Variants in SLC44A1 observed in about 807,000 individuals in gnomAD.
SLC44A1 encodes choline transporter-like protein 1.
A neutral mutation model predicts 79.3 loss-of-function variants in SLC44A1; 26 were observed. The ratio of observed to expected loss-of-function variants is 0.33; its 90% confidence interval spans 0.24 to 0.46. The LOEUF (loss-of-function observed/expected upper bound fraction) is 0.46. SLC44A1 is among the 20% of genes least tolerant of loss of function. The probability of loss-of-function intolerance (pLI) is 1.00; values close to 1 mark genes in which losing one functional copy is unlikely to be tolerated. For synonymous variants in SLC44A1, 263 were observed against 286.2 expected, an observed-to-expected ratio of 0.92 and a Z score of 0.82; for missense variants, 688 against 798.1, an observed-to-expected ratio of 0.86 and a Z score of 1.66.
At chr9:105,299,405 C>A in intron 2 of SLC44A1, 96 bp downstream of exon 2, 1 of 715,402 alleles carries the variant, frequency 1.4e-6, no homozygotes, top group Non-Finnish European at 2.2e-6. Flanking sequence ...ATATACCAGT[C>A]CTCATACAAT....
rs544874555 is a variant in SLC44A1 at position 105,299,198 on chromosome 9, C to T, written c.37-22C>T. ...AACTAAACTTAGCATTTAACACTCTCTTATTTTGTATTTCCAATTAGAGCT... is the reference window on the plus strand; with the variant it reads ...AACTAAACTTAGCATTTAACACTCTTTTATTTTGTATTTCCAATTAGAGCT... On this transcript the variant is annotated intron_variant, in intron 1 of 15. Transcript: ENST00000374720. 1.4e-5 allele frequency: 22 copies of T among 1,561,046 alleles called. No individual in the cohort carries two copies. The South Asian group carries it at 1.5e-4, about 11-fold the overall frequency.
chr9:105,410,879 G>A (rs1829085946), intron 15 of SLC44A1, among the ~76,000 whole-genome samples: 1 of 152,134 alleles, frequency 6.6e-6, no homozygotes, highest in Non-Finnish European at 1.5e-5. Context: ...ACTCATACAT[G>A]CAACAACATG....
chr9:105,390,210 G>A lies in SLC44A1; in HGVS notation c.*1154G>A. The A allele has an allele frequency of 8.8e-7, 1 of 1,136,200 alleles. No homozygotes were observed. The highest frequency in any genetic ancestry group is 4.6e-5 in the East Asian group (1 of 21,814). The allele number at this position is 1,136,200 out of a possible 1,614,324, so 70.4% of individuals were successfully genotyped here. On this transcript the variant is annotated 3_prime_UTR_variant, in exon 16 of 16. Coordinates refer to ENST00000374720, the MANE Select transcript of SLC44A1 (RefSeq NM_080546.5). The stretch of plus-strand genomic sequence containing the variant: ...GGTTTTTTGCTTTTTTATTCCTGAA[G>A]CTTACCAGATATGAATGGCTAATAC...
At chr9:105,256,565 CTT>C (rs71501462) in intron 1 of SLC44A1, among the ~76,000 whole-genome samples, 33 of 136,172 alleles carry the variant, frequency 2.4e-4, no homozygotes, top group Middle Eastern at 3.8e-3. Context: ...GCTGGAAACT[CTT>C]TTTTTTTTTT....
At chr9:105,347,933 G>A (rs551090619) in intron 4 of SLC44A1, among the ~76,000 whole-genome samples, 1 of 152,144 alleles carries the variant, frequency 6.6e-6, no homozygotes, top group South Asian at 2.1e-4. Flanking sequence ...GAGATGTGGT[G>A]TTTAATCCCA....
At chr9:105,307,694 T>C (rs1831070202) in intron 2 of SLC44A1, among the ~76,000 whole-genome samples, 3 of 152,122 alleles carry the variant, frequency 2.0e-5, no homozygotes, top group South Asian at 2.1e-4. Context: ...AACCTCCTAA[T>C]ACTTAACCTC....
At chr9:105,302,338 G>A (rs1588754702) in intron 2 of SLC44A1, among the ~76,000 whole-genome samples, 2 of 151,940 alleles carry the variant, frequency 1.3e-5, no homozygotes, top group Admixed American at 1.3e-4. Flanking sequence ...GGAATTAGCT[G>A]GGATCTCTTC....
intron 15 of SLC44A1, among the ~76,000 whole-genome samples, chr9:105,420,353 C>T (rs12338896): frequency 0.025 from 3,745 of 152,090 alleles, 135 homozygotes; most frequent in African/African-American, 0.085. Context: ...TACAAAATGT[C>T]GGCGTTCTCT....
intron 15 of SLC44A1, among the ~76,000 whole-genome samples, chr9:105,416,230 G>T (rs954762847): frequency 2.0e-5 from 3 of 150,978 alleles, no homozygotes; most frequent in Admixed American, 6.6e-5. Context: ...TTTGTTCTCT[G>T]TTATTGTTTT....
chr9:105,303,812 G>A (rs1275031599), intron 2 of SLC44A1, among the ~76,000 whole-genome samples: 3 of 152,210 alleles, frequency 2.0e-5, no homozygotes, highest in Non-Finnish European at 4.4e-5. Flanking sequence ...CCAGTGAAAC[G>A]TGGTCTCATC....
intron 1 of SLC44A1, among the ~76,000 whole-genome samples, chr9:105,275,288 A>G (rs1252191710): frequency 6.6e-6 from 1 of 152,198 alleles, no homozygotes; most frequent in Admixed American, 6.5e-5. Context: ...ATGGAAAATA[A>G]TGTGTTTTAC....
intron 1 of SLC44A1, among the ~76,000 whole-genome samples, chr9:105,275,138 T>C (rs1830169481): frequency 6.6e-6 from 1 of 152,212 alleles, no homozygotes; most frequent in Admixed American, 6.5e-5. Flanking sequence ...GTTAAAGGCT[T>C]GGAGCTAGTC....
intron 3 of SLC44A1, among the ~76,000 whole-genome samples, chr9:105,314,300 A>C (rs942835367): frequency 2.0e-5 from 3 of 152,190 alleles, no homozygotes; most frequent in Non-Finnish European, 2.9e-5. Flanking sequence ...AGATGGGAGA[A>C]GATATGGCAA....
At chr9:105,355,204 G>C (rs994240621) in intron 5 of SLC44A1, among the ~76,000 whole-genome samples, 1 of 152,254 alleles carries the variant, frequency 6.6e-6, no homozygotes, top group Admixed American at 6.5e-5. Flanking sequence ...ACAACCAAAG[G>C]CATATTCGTA....
At chr9:105,290,004 C>A (rs1830567129) in intron 1 of SLC44A1, among the ~76,000 whole-genome samples, 1 of 151,960 alleles carries the variant, frequency 6.6e-6, no homozygotes, top group Admixed American at 6.6e-5. Context: ...TTAGTAGAGA[C>A]AGGGTTTCAC....
Position 105,391,732 on chromosome 9 carries a change from T to G in SLC44A1, c.*2676T>G. ...TGCCTTATTGCTATTCGCTCACTGC[T>G]TCCATCTTCTGCCCAAGTGAGAAGA... On this transcript the variant is annotated 3_prime_UTR_variant, in exon 16 of 16. Coordinates refer to ENST00000374720, the MANE Select transcript of SLC44A1 (RefSeq NM_080546.5). 1.0e-6 allele frequency: 1 copy of G among 985,366 alleles called. No homozygotes were observed. Among genetic ancestry groups the G allele is most frequent in the Non-Finnish European group, 1.2e-6 (1 of 829,904 alleles). 61.0% of individuals were successfully genotyped at this position (985,366 alleles called of 1,614,324 possible). A position where few individuals can be genotyped will look rare whatever the true frequency, so the allele number is the denominator to read the frequency against.
At chr9:105,289,296 T>C (rs1475972189) in intron 1 of SLC44A1, among the ~76,000 whole-genome samples, 1 of 152,202 alleles carries the variant, frequency 6.6e-6, no homozygotes, top group Non-Finnish European at 1.5e-5. Flanking sequence ...GTGGGAAGAC[T>C]GAACATTATA....
At chr9:105,409,959 A>G (rs1208863971) in intron 15 of SLC44A1, among the ~76,000 whole-genome samples, 2 of 152,348 alleles carry the variant, frequency 1.3e-5, no homozygotes, top group East Asian at 3.9e-4. Flanking sequence ...TAGGCCACAA[A>G]ACAAATCACA....
chr9:105,283,224 C>T (rs1397791541), intron 1 of SLC44A1, among the ~76,000 whole-genome samples: 1 of 152,088 alleles, frequency 6.6e-6, no homozygotes, highest in Non-Finnish European at 1.5e-5. Flanking sequence ...TTGTTTTATC[C>T]AAAGATAGTA....
Sources: gnomAD v4.1 joint callset for allele counts (sites outside exome capture counted in the v4.1 genomes callset) on GRCh38, gnomAD v4.1.1 for gene constraint, MANE v1.5 for transcripts, NCBI Gene and HGNC (gene_info 2026-07-23, HGNC 2026-07-21) for gene names.